ROR2: variants seen among roughly 807,000 people sequenced by gnomAD.
ROR2 encodes the protein ROR family WNT receptor 2, also known as tyrosine-protein kinase transmembrane receptor ROR2.
In ROR2, 33 loss-of-function variants were observed where a neutral mutation model predicts 74.9. That is an observed-to-expected ratio of 0.44 (90% CI 0.33 to 0.59). ROR2 has a LOEUF of 0.59. ROR2 is among the 20% of genes least tolerant of loss of function. ROR2 has a pLI of 0.02. For synonymous variants in ROR2, 586 were observed against 558.7 expected, an observed-to-expected ratio of 1.05 and a Z score of -0.69; for missense variants, 1,216 against 1,313.8, an observed-to-expected ratio of 0.93 and a Z score of 1.15.
chr9:91,918,137 A>T (rs1166012132), intron 1 of ROR2, among the ~76,000 whole-genome samples: 1 of 152,088 alleles, frequency 6.6e-6, no homozygotes, highest in Non-Finnish European at 1.5e-5. Flanking sequence ...GCGTGGTGGC[A>T]GGCGCCTGTA....
intron 1 of ROR2, among the ~76,000 whole-genome samples, chr9:91,847,676 G>A (rs769909455): frequency 3.3e-5 from 5 of 152,122 alleles, no homozygotes; most frequent in African/African-American, 7.2e-5. Flanking sequence ...AGGGCTGAGG[G>A]TCGAGAGCAG....
chr9:91,868,640 T>C (rs1829709414), intron 1 of ROR2, among the ~76,000 whole-genome samples: 1 of 152,162 alleles, frequency 6.6e-6, no homozygotes, highest in Non-Finnish European at 1.5e-5. Flanking sequence ...TTAAAAACAA[T>C]GAAGGCCAGA....
intron 1 of ROR2, among the ~76,000 whole-genome samples, chr9:91,827,269 A>G (rs1447973883): frequency 2.6e-5 from 4 of 152,110 alleles, no homozygotes; most frequent in African/African-American, 9.7e-5. Context: ...AAATTTTCCC[A>G]TATCATTATA....
intron 4 of ROR2, among the ~76,000 whole-genome samples, chr9:91,748,513 A>G (rs1825504192): frequency 6.6e-6 from 1 of 152,260 alleles, no homozygotes; most frequent in Admixed American, 6.5e-5. Context: ...AAAAAATCCA[A>G]AAGATACTTC....
intron 1 of ROR2, among the ~76,000 whole-genome samples, chr9:91,893,211 C>G (rs986967806): frequency 7.2e-5 from 11 of 152,084 alleles, no homozygotes; most frequent in African/African-American, 2.2e-4. Flanking sequence ...GAACCCCAGG[C>G]TGAAGCTGGG....
chr9:91,822,888 A>G (rs1304996062), intron 1 of ROR2, among the ~76,000 whole-genome samples: 4 of 152,192 alleles, frequency 2.6e-5, no homozygotes, highest in Non-Finnish European at 5.9e-5. Context: ...CCACAGACGC[A>G]GAGACATCCA....
Position 91,723,104 on chromosome 9 carries a change from G to A in ROR2, c.*558C>T, listed in dbSNP as rs571058325. The A allele has an allele frequency of 1.3e-4, 21 of 159,952 alleles. No homozygotes were observed. In the South Asian group the frequency reaches 2.8e-3, roughly 21 times the overall value. The allele number at this position is 159,952 out of a possible 1,614,324, so 9.9% of individuals were successfully genotyped here. On this transcript the variant is annotated 3_prime_UTR_variant, in exon 9 of 9. Coordinates refer to ENST00000375708, the MANE Select transcript of ROR2 (RefSeq NM_004560.4). ...CCATTTCAGAAGCCCCTTGTCTTCC[G>A]ACCCCAACAGGCAGCAGAGGGCAGC...
At chr9:91,927,030 T>A (rs1831423643) in intron 1 of ROR2, among the ~76,000 whole-genome samples, 1 of 151,656 alleles carries the variant, frequency 6.6e-6, no homozygotes, top group Non-Finnish European at 1.5e-5. Flanking sequence ...AATACCAAAA[T>A]TTTAAAAAGA....
chr9:91,871,906 T>G (rs983814398), intron 1 of ROR2, among the ~76,000 whole-genome samples: 1 of 152,086 alleles, frequency 6.6e-6, no homozygotes, highest in Non-Finnish European at 1.5e-5. Flanking sequence ...TCTGGCCCAG[T>G]TGAGCCTTCA....
chr9:91,856,867 C>A (rs1829307742), intron 1 of ROR2, among the ~76,000 whole-genome samples: 2 of 152,176 alleles, frequency 1.3e-5, no homozygotes, highest in African/African-American at 4.8e-5. Flanking sequence ...TCATAGAGTC[C>A]CCACAACAGT....
intron 1 of ROR2, among the ~76,000 whole-genome samples, chr9:91,796,904 A>C (rs1390600308): frequency 1.7e-5 from 1 of 58,610 alleles, no homozygotes; most frequent in Non-Finnish European, 3.0e-5. Context: ...GGATCTGTGG[A>C]TGGGGCTGAC....
At chr9:91,887,788 CTTTTTTTTTTTTT>C (rs771557997) in intron 1 of ROR2, among the ~76,000 whole-genome samples, 7 of 100,686 alleles carry the variant, frequency 7.0e-5, no homozygotes, top group Non-Finnish European at 1.3e-4. Context: ...CTTTTTTTCT[CTTTTTTTTTTTTT>C]TTTTTTTTGA....
intron 1 of ROR2, among the ~76,000 whole-genome samples, chr9:91,938,658 A>G (rs1322565863): frequency 2.0e-5 from 3 of 152,192 alleles, no homozygotes; most frequent in South Asian, 4.1e-4. Context: ...AGAGATTGGT[A>G]TCTCCACAGA....
intron 1 of ROR2, among the ~76,000 whole-genome samples, chr9:91,859,475 G>C (rs915387415): frequency 6.6e-6 from 1 of 152,078 alleles, no homozygotes; most frequent in Non-Finnish European, 1.5e-5. Context: ...GTATTTTTTG[G>C]AGTGTTCCAG....
chr9:91,788,790 G>A (rs573086344), intron 1 of ROR2, among the ~76,000 whole-genome samples: 22 of 151,910 alleles, frequency 1.4e-4, no homozygotes, highest in African/African-American at 5.3e-4. Context: ...CTTGAACCTG[G>A]GAGGCGGAGG....
rs1231343818 is a variant in ROR2, at chr9:91,852,651, C to CACACACACACACACACACACACACA, written c.98-76834_98-76833insTGTGTGTGTGTGTGTGTGTGTGTGT. On this transcript the variant is annotated intron_variant, in intron 1 of 8. Transcript: ENST00000375708. ...CACACACACACACACACACACACAC[C>CACACACACACACACACACACACACA]CACACACACAATGTAAGTCCATAAG... Among the ~76,000 whole-genome samples, 510 of 143,186 alleles carry CACACACACACACACACACACACACA rather than the reference C, an allele frequency of 3.6e-3. 14 individuals are homozygous for CACACACACACACACACACACACACA. The highest frequency in any genetic ancestry group is 0.013 in the African/African-American group (483 of 36,856). 93.9% of individuals were successfully genotyped at this position (143,186 alleles called of 152,430 possible).
intron 2 of ROR2, among the ~76,000 whole-genome samples, chr9:91,764,312 A>G (rs1199635718): frequency 6.6e-6 from 1 of 152,194 alleles, no homozygotes; most frequent in South Asian, 2.1e-4. Flanking sequence ...TATAACTCTT[A>G]TAAGTGGCAT....
chr9:91,910,814 C>A (rs1260846362), intron 1 of ROR2, among the ~76,000 whole-genome samples: 1 of 152,092 alleles, frequency 6.6e-6, no homozygotes, highest in Non-Finnish European at 1.5e-5. Context: ...GAGGCGTGTA[C>A]CACCATGCCC....
In ROR2 at chr9:91,846,133, G is replaced by A. The variant is rs1312953874; in HGVS notation, c.98-70315C>T. Among the ~76,000 whole-genome samples, 3 of 152,190 alleles carry A rather than the reference G, an allele frequency of 2.0e-5. No homozygotes were observed. In the East Asian group the frequency reaches 5.8e-4, roughly 29 times the overall value. ...GGCAAGGCCTGCTGTTCTCTCTCTG[G>A]ACGACCTTGAGAAGTTAAGCCTGTC... On this transcript the variant is annotated intron_variant, in intron 1 of 8. Transcript: ENST00000375708.
Sources: allele counts gnomAD v4.1 joint callset (sites outside exome capture counted in the v4.1 genomes callset), GRCh38; gene constraint gnomAD v4.1.1; transcripts MANE v1.5; gene names NCBI Gene and HGNC (gene_info 2026-07-23, HGNC 2026-07-21).